The following SBNO1 variants were observed in gnomAD, a reference collection of about 807,000 sequenced individuals.
SBNO1 encodes the protein protein strawberry notch homolog 1.
Under a neutral mutation model 173.6 loss-of-function variants are expected in SBNO1, and 23 were observed. The observed-to-expected ratio is 0.13, with a 90% CI of 0.10 to 0.19. The LOEUF is 0.19. Ranked by LOEUF, SBNO1 falls within the 10% of genes least tolerant of loss-of-function variation. SBNO1 has a pLI of 1.00. For synonymous variants in SBNO1, 632 were observed against 571.5 expected (o/e 1.11, Z -1.51); for missense variants, 1,238 against 1,671.2 (o/e 0.74, Z 4.52).
chr12:123,334,719 A>T (rs553478209), intron 6 of SBNO1, among the ~76,000 whole-genome samples: 10 of 151,792 alleles, frequency 6.6e-5, no homozygotes, highest in Non-Finnish European at 1.5e-4. Context: ...AAAAATAAAT[A>T]AATAAAATTA....
At chr12:123,348,998 T>TC (rs1474690887) in intron 2 of SBNO1, 2 of 150,920 alleles carry the variant, frequency 1.3e-5, no homozygotes, top group African/African-American at 4.9e-5. Flanking sequence ...TTTTTTTTTT[T>TC]TTAAGGCTAG....
At chr12:123,359,466 G>A (rs1056733602) in intron 1 of SBNO1, among the ~76,000 whole-genome samples, 2 of 151,462 alleles carry the variant, frequency 1.3e-5, no homozygotes, top group Non-Finnish European at 1.5e-5. Context: ...AGATGCTGAG[G>A]TGGGAGAATC....
At chr12:123,335,774 CTCTT>C (rs1216442943) in intron 6 of SBNO1, among the ~76,000 whole-genome samples, 2 of 152,196 alleles carry the variant, frequency 1.3e-5, no homozygotes, top group African/African-American at 2.4e-5. Context: ...GGGCCATAAA[CTCTT>C]TCAATCCTTT....
chr12:123,357,304 T>C (rs528294180), intron 1 of SBNO1, among the ~76,000 whole-genome samples: 6 of 151,548 alleles, frequency 4.0e-5, no homozygotes, highest in Admixed American at 2.6e-4. Flanking sequence ...ACACAAAAAT[T>C]AGCCGGGCAT....
At chr12:123,322,993 T>G (rs1238434372) in intron 16 of SBNO1, among the ~76,000 whole-genome samples, 1 of 152,204 alleles carries the variant, frequency 6.6e-6, no homozygotes, top group African/African-American at 2.4e-5. Context: ...CAGGTTTTAG[T>G]TCCCATGCAT....
rs940413405 is a variant in SBNO1 at position 123,308,571 on chromosome 12, G to A, written c.3630+739C>T. ...CCTGTAGTCCCTGCTACTCTCGGGA[G>A]GCTGAGGCAAAGAGAATGGCATGAA... On this transcript the variant is annotated intron_variant, in intron 28 of 31. Coordinates refer to ENST00000602398, the MANE Select transcript of SBNO1 (RefSeq NM_001167856.3). Among the ~76,000 whole-genome samples, 4 of 152,094 alleles carry A rather than the reference G, an allele frequency of 2.6e-5. No individual in the cohort carries two copies. The East Asian group carries it at 5.8e-4, about 22-fold the overall frequency.
chr12:123,351,855 T>C (rs1873920791), intron 1 of SBNO1, among the ~76,000 whole-genome samples: 1 of 152,086 alleles, frequency 6.6e-6, no homozygotes, highest in African/African-American at 2.4e-5. Flanking sequence ...GAAGCGAGAA[T>C]ATGAAGCACG....
chr12:123,296,874 T>G (rs2048615952), intron 31 of SBNO1, among the ~76,000 whole-genome samples: 1 of 151,026 alleles, frequency 6.6e-6, no homozygotes, highest in Non-Finnish European at 1.5e-5. Flanking sequence ...TGTTTTTTTT[T>G]TAAATAGAGA....
chr12:123,345,497 A>T lies in SBNO1; in HGVS notation c.311T>A (p.Val104Glu). 1 of 1,614,146 alleles carries T rather than the reference A, an allele frequency of 6.2e-7. No individual in the cohort carries two copies. The highest frequency in any genetic ancestry group is 1.3e-5 in the African/African-American group (1 of 75,058). The stretch of plus-strand genomic sequence containing the variant: ...TGTTACAGGTGGTGTTTTAGTCATT[A>T]CAATTGTAGATCCCAAGGGTGGAAG... The part of the protein sequence containing the change: ...NHLPPLGSTI[V>E]MTKTPPVTTN... Residue 104 changes from valine to glutamate, a missense_variant, in exon 4 of 32, where the codon GTA becomes GAA. Physicochemically the swap from Val to Glu is moderately radical, Grantham distance 121. Coordinates refer to ENST00000602398, the MANE Select transcript of SBNO1 (RefSeq NM_001167856.3).
At chr12:123,300,678 G>A (rs2048757518) in intron 30 of SBNO1, among the ~76,000 whole-genome samples, 1 of 145,158 alleles carries the variant, frequency 6.9e-6, no homozygotes, top group Non-Finnish European at 1.5e-5. Context: ...AATGTTTGTA[G>A]GGGCAAGGCG....
intron 1 of SBNO1, among the ~76,000 whole-genome samples, chr12:123,359,587 T>A (rs1412389052): frequency 2.0e-5 from 3 of 151,734 alleles, no homozygotes; most frequent in Non-Finnish European, 4.4e-5. Flanking sequence ...TATAGTTGTA[T>A]GGGTATATGT....
intron 19 of SBNO1, 80 bp from the exon 20 acceptor site, chr12:123,320,111 C>A: frequency 6.7e-7 from 1 of 1,496,734 alleles, no homozygotes; most frequent in South Asian, 1.2e-5. Context: ...CTTGAAGACA[C>A]TTGGGAGATA....
Position 123,335,165 on chromosome 12 carries a change from C to T in SBNO1, c.749-952G>A, listed in dbSNP as rs555684625. ...AAGATTGCGCCACTGCCTGGCTGGG[C>T]ATGGTGGCTCACGCCTGTAATCTCA... On this transcript the variant is annotated intron_variant, in intron 6 of 31. Coordinates refer to ENST00000602398, the MANE Select transcript of SBNO1 (RefSeq NM_001167856.3). Among the ~76,000 whole-genome samples the T allele has an allele frequency of 2.0e-5, 3 of 152,268 alleles. No individual in the cohort carries two copies. The East Asian group carries it at 5.8e-4, about 29-fold the overall frequency.
chr12:123,303,154 G>A (rs2048836799), intron 29 of SBNO1, among the ~76,000 whole-genome samples: 1 of 151,818 alleles, frequency 6.6e-6, no homozygotes, highest in Non-Finnish European at 1.5e-5. Flanking sequence ...AATAATATAA[G>A]GTAATATTAA....
chr12:123,356,275 G>A (rs1874449414), intron 1 of SBNO1, among the ~76,000 whole-genome samples: 2 of 152,250 alleles, frequency 1.3e-5, no homozygotes, highest in South Asian at 4.2e-4. Flanking sequence ...ATACTACCTG[G>A]AGTAAATGTT....
intron 3 of SBNO1, 124 bp from the exon 4 acceptor site, chr12:123,345,694 C>A: frequency 1.2e-6 from 1 of 806,344 alleles, no homozygotes; most frequent in Non-Finnish European, 1.9e-6. Context: ...TTTTTTTTTT[C>A]TTTGAAGCAG....
chr12:123,350,501 C>T (rs1381961619), intron 1 of SBNO1, 60 bp from the exon 2 acceptor site: 2 of 1,306,112 alleles, frequency 1.5e-6, no homozygotes, highest in African/African-American at 2.9e-5. Flanking sequence ...TATTAACTCC[C>T]CTCTAAATAT....
intron 1 of SBNO1, among the ~76,000 whole-genome samples, chr12:123,353,992 A>G (rs1018459680): frequency 2.6e-5 from 4 of 152,238 alleles, no homozygotes; most frequent in Admixed American, 1.3e-4. Context: ...AATAATATTC[A>G]AAAGTGTAGA....
At chr12:123,298,283 T>C (rs2048671276) in intron 30 of SBNO1, 112 bp from the exon 31 acceptor site, 14 of 1,117,458 alleles carry the variant, frequency 1.3e-5, no homozygotes, top group South Asian at 1.5e-5. Flanking sequence ...TTTTTTTTGT[T>C]GAGATGGAGT....
Sources: allele counts gnomAD v4.1 joint callset (sites outside exome capture counted in the v4.1 genomes callset), GRCh38; gene constraint gnomAD v4.1.1; transcripts MANE v1.5; gene names NCBI Gene and HGNC (gene_info 2026-07-23, HGNC 2026-07-21).